Variants in ANGPT1 observed in about 807,000 individuals in gnomAD.
ANGPT1 encodes angiopoietin-1.
ANGPT1 carries 17 observed loss-of-function variants against 62.2 expected under a neutral mutation model. The observed-to-expected ratio is 0.27, with a 90% confidence interval of 0.19 to 0.41. ANGPT1 has a LOEUF of 0.41. Ranked by LOEUF, ANGPT1 falls within the 10% of genes least tolerant of loss-of-function variation. The probability of loss-of-function intolerance (pLI) is 1.00; values close to 1 mark genes in which losing one functional copy is unlikely to be tolerated. For synonymous variants in ANGPT1, 199 were observed against 198.9 expected (o/e 1.00, Z 0.00); for missense variants, 478 against 594.9 (o/e 0.80, Z 2.04).
chr8:107,413,545 T>C (rs1810648012), intron 1 of ANGPT1, among the ~76,000 whole-genome samples: 1 of 151,138 alleles, frequency 6.6e-6, no homozygotes, highest in Non-Finnish European at 1.5e-5. Flanking sequence ...ACATATTAAA[T>C]ATTACATTAA....
At chr8:107,395,259 T>C (rs1254841754) in intron 1 of ANGPT1, among the ~76,000 whole-genome samples, 1 of 152,222 alleles carries the variant, frequency 6.6e-6, no homozygotes, top group Admixed American at 6.5e-5. Context: ...TATGATTTCT[T>C]CCATTTCTAT....
intron 5 of ANGPT1, among the ~76,000 whole-genome samples, chr8:107,299,422 A>ATATACAC (rs1281291162): frequency 8.6e-6 from 1 of 116,148 alleles, no homozygotes; most frequent in African/African-American, 3.1e-5. Flanking sequence ...TATATATATA[A>ATATACAC]ACATACATAT....
chr8:107,417,401 CTAT>C (rs1394477355), intron 1 of ANGPT1, among the ~76,000 whole-genome samples: 12 of 152,084 alleles, frequency 7.9e-5, no homozygotes, highest in Non-Finnish European at 1.8e-4. Context: ...AACATCCTAA[CTAT>C]TATCTGGAAC....
At chr8:107,256,806 T>C (rs1031089546) in intron 8 of ANGPT1, among the ~76,000 whole-genome samples, 1 of 152,192 alleles carries the variant, frequency 6.6e-6, no homozygotes, top group African/African-American at 2.4e-5. Flanking sequence ...GGACAACTGA[T>C]AAAATGTCTC....
chr8:107,457,032 G>C (rs1031973600), intron 1 of ANGPT1, among the ~76,000 whole-genome samples: 5 of 151,982 alleles, frequency 3.3e-5, no homozygotes, highest in Non-Finnish European at 5.9e-5. Context: ...ATTGTAACTT[G>C]TAACACAGTA....
At chr8:107,481,193 A>T (rs55638121) in intron 1 of ANGPT1, among the ~76,000 whole-genome samples, 7 of 151,876 alleles carry the variant, frequency 4.6e-5, no homozygotes, top group Non-Finnish European at 7.4e-5. Flanking sequence ...TCCACCTTAC[A>T]GTCCTGATTT....
At chr8:107,430,315 G>C (rs1044916841) in intron 1 of ANGPT1, among the ~76,000 whole-genome samples, 1 of 152,140 alleles carries the variant, frequency 6.6e-6, no homozygotes, top group Non-Finnish European at 1.5e-5. Flanking sequence ...TGTTTGCGTG[G>C]TTCTTTCTGT....
intron 1 of ANGPT1, among the ~76,000 whole-genome samples, chr8:107,483,931 G>T (rs1356361466): frequency 6.6e-6 from 1 of 152,324 alleles, no homozygotes; most frequent in South Asian, 2.1e-4. Context: ...ATTTGTGAAA[G>T]TTTTTTAAGA....
intron 1 of ANGPT1, among the ~76,000 whole-genome samples, chr8:107,384,381 A>T (rs1816694453): frequency 1.3e-5 from 2 of 152,156 alleles, no homozygotes; most frequent in Admixed American, 1.3e-4. Context: ...ACCTACACAG[A>T]CATTGCATAT....
chr8:107,443,819 CA>C (rs34247379), intron 1 of ANGPT1, among the ~76,000 whole-genome samples: 49,002 of 135,570 alleles, frequency 0.36, 8,394 homozygotes, highest in East Asian at 0.64. Flanking sequence ...AACTATGTCT[CA>C]AAAAAAAAAA....
At chr8:107,465,445 G>C (rs540596620) in intron 1 of ANGPT1, among the ~76,000 whole-genome samples, 19 of 152,102 alleles carry the variant, frequency 1.2e-4, no homozygotes, top group African/African-American at 4.6e-4. Flanking sequence ...AATTTAAAAA[G>C]CATATATCTT....
At chr8:107,325,482 C>T (rs1168888682) in intron 3 of ANGPT1, among the ~76,000 whole-genome samples, 1 of 152,134 alleles carries the variant, frequency 6.6e-6, no homozygotes, top group Non-Finnish European at 1.5e-5. Context: ...ACGTTATAGT[C>T]ATATAATACT....
chr8:107,267,190 CAAATAG>C (rs1447468427), intron 7 of ANGPT1, among the ~76,000 whole-genome samples: 4 of 152,104 alleles, frequency 2.6e-5, no homozygotes, highest in South Asian at 2.1e-4. Flanking sequence ...TGTGAAAATA[CAAATAG>C]AAATAGAATT....
chr8:107,264,933 T>C (rs1476915085), intron 7 of ANGPT1, among the ~76,000 whole-genome samples: 1 of 152,178 alleles, frequency 6.6e-6, no homozygotes, highest in Non-Finnish European at 1.5e-5. Context: ...CTTTGAATCA[T>C]TATGCATTCC....
intron 1 of ANGPT1, among the ~76,000 whole-genome samples, chr8:107,445,979 G>T (rs913106914): frequency 1.3e-5 from 2 of 152,106 alleles, no homozygotes; most frequent in Non-Finnish European, 2.9e-5. Flanking sequence ...GTGCAGTGGC[G>T]CTATCTCGGC....
chr8:107,468,440 A>T (rs1323825147), intron 1 of ANGPT1, among the ~76,000 whole-genome samples: 1 of 152,074 alleles, frequency 6.6e-6, no homozygotes, highest in Non-Finnish European at 1.5e-5. Flanking sequence ...ATAGTCATTC[A>T]AATTATCCTT....
intron 2 of ANGPT1, among the ~76,000 whole-genome samples, chr8:107,339,455 C>G (rs1815647267): frequency 6.6e-6 from 1 of 152,150 alleles, no homozygotes; most frequent in Non-Finnish European, 1.5e-5. Flanking sequence ...GTTTCCTCTG[C>G]TTGGCATGCC....
At chr8:107,314,335 C>T (rs1320756649) in intron 4 of ANGPT1, among the ~76,000 whole-genome samples, 1 of 152,194 alleles carries the variant, frequency 6.6e-6, no homozygotes, top group African/African-American at 2.4e-5. Context: ...AAGTTAAAAA[C>T]TCCAATTCCA....
intron 8 of ANGPT1, among the ~76,000 whole-genome samples, chr8:107,259,060 G>T (rs1030035408): frequency 6.6e-6 from 1 of 152,142 alleles, no homozygotes; most frequent in Non-Finnish European, 1.5e-5. Flanking sequence ...CATTTGTGTA[G>T]AATAGGCTTA....
Sources: allele counts gnomAD v4.1 joint callset (sites outside exome capture counted in the v4.1 genomes callset), GRCh38; gene constraint gnomAD v4.1.1; transcripts MANE v1.5; gene names NCBI Gene and HGNC (gene_info 2026-07-23, HGNC 2026-07-21).